PCDHGA3: variants seen among roughly 807,000 people sequenced by gnomAD.
PCDHGA3 encodes protocadherin gamma subfamily A, 3, also known as protocadherin gamma-A3.
In PCDHGA3, 40 loss-of-function variants were observed where a neutral mutation model predicts 58.5. The observed-to-expected ratio is 0.68, with a 90% CI of 0.53 to 0.89. The LOEUF (loss-of-function observed/expected upper bound fraction) is 0.89, where lower values mean the gene tolerates loss of function less well. Among genes scored for constraint, PCDHGA3 ranks in the 40% least tolerant of loss-of-function variants. The probability of loss-of-function intolerance (pLI) is 0.00; values close to 1 mark genes in which losing one functional copy is unlikely to be tolerated. For synonymous variants in PCDHGA3, 530 were observed against 525.7 expected (o/e 1.01, Z -0.11); for missense variants, 1,223 against 1,195.9 (o/e 1.02, Z -0.33).
intron 1 of PCDHGA3, chr5:141,384,446 C>T (rs781605513): frequency 5.6e-6 from 9 of 1,614,034 alleles, no homozygotes; most frequent in South Asian, 4.4e-5. Context: ...GTCCTGTACG[C>T]GCTGCAATCC....
intron 1 of PCDHGA3, chr5:141,402,899 G>A: frequency 6.6e-7 from 1 of 1,516,814 alleles, no homozygotes; most frequent in Non-Finnish European, 8.8e-7. Context: ...GAAAGAACCT[G>A]ATGAAGCAGC....
At chr5:141,495,149 G>A (rs1448841303) in intron 2 of PCDHGA3, among the ~76,000 whole-genome samples, 1 of 152,170 alleles carries the variant, frequency 6.6e-6, no homozygotes, top group Non-Finnish European at 1.5e-5. Context: ...CCAAAGGATG[G>A]TCTTAAGCTG....
intron 1 of PCDHGA3, chr5:141,399,055 GA>G: frequency 7.4e-6 from 12 of 1,613,844 alleles, no homozygotes; most frequent in Non-Finnish European, 1.0e-5. Context: ...AGAGACCAAG[GA>G]ATATTCAATG....
At chr5:141,371,960 C>T (rs771450244) in intron 1 of PCDHGA3, 16 of 1,613,142 alleles carry the variant, frequency 9.9e-6, no homozygotes, top group Admixed American at 1.7e-5. Flanking sequence ...CCTTCGACCA[C>T]GAGCAGCTGC....
intron 1 of PCDHGA3, chr5:141,423,051 C>T (rs200022455): frequency 1.7e-5 from 28 of 1,614,084 alleles, no homozygotes; most frequent in Non-Finnish European, 2.3e-5. Context: ...TGTCCTATCG[C>T]CTGCTTAAGG....
In PCDHGA3 at chr5:141,346,462, GTTTA is replaced by G. The variant is rs940161921; in HGVS notation, c.2424+13_2424+16del. On this transcript the variant is annotated splice_donor_region_variant and intron_variant, in intron 1 of 3. Coordinates refer to ENST00000253812, the MANE Select transcript of PCDHGA3 (RefSeq NM_018916.4). ...GGAGATTCCAACCTACTTCAGGTGA[GTTTA>G]TTTATTTCTTTGATTATTAAGAACA... 1.5e-5 allele frequency: 25 copies of G among 1,613,834 alleles called. No homozygotes were observed. The highest frequency in any genetic ancestry group is 1.2e-4 in the African/African-American group (9 of 74,896).
At position 141,355,369 on chromosome 5, in the gene PCDHGA3, C is replaced by T. The variant is rs1339855222; in HGVS notation, c.2424+8912C>T. The T allele has an allele frequency of 3.1e-6, 5 of 1,613,922 alleles. No homozygotes were observed. The African/African-American group carries it at 5.3e-5, about 17-fold the overall frequency. On this transcript the variant is annotated intron_variant, in intron 1 of 3. Coordinates refer to ENST00000253812, the MANE Select transcript of PCDHGA3 (RefSeq NM_018916.4). The stretch of plus-strand genomic sequence containing the variant: ...CGCCAAGGACCTGGGGTTGGCGCCC[C>T]GGGAGCTGGCGGAGCGCGGAGTCCG...
At chr5:141,399,942 G>T (rs780939486) in intron 1 of PCDHGA3, 2 of 1,612,258 alleles carry the variant, frequency 1.2e-6, no homozygotes, top group Admixed American at 3.3e-5. Flanking sequence ...ACCACGTGCT[G>T]CAGGCTAGCG....
intron 1 of PCDHGA3, among the ~76,000 whole-genome samples, chr5:141,464,094 G>A (rs540562188): frequency 7.4e-4 from 112 of 151,988 alleles, no homozygotes; most frequent in Non-Finnish European, 1.1e-3. Context: ...GTGAAACTCC[G>A]TCTCTACTAA....
At chr5:141,422,100 A>G (rs1019775470) in intron 1 of PCDHGA3, 2 of 1,609,786 alleles carry the variant, frequency 1.2e-6, no homozygotes, top group Non-Finnish European at 1.7e-6. Context: ...AGGCTTCTGA[A>G]ATATTCCAAT....
intron 1 of PCDHGA3, chr5:141,360,894 G>A (rs1262954387): frequency 6.2e-7 from 1 of 1,613,912 alleles, no homozygotes; most frequent in Non-Finnish European, 8.5e-7. Context: ...CCCTGAGGGA[G>A]GACGTGCCGC....
chr5:141,347,046 TCTTTCCTCCTTCCTTCCTTCCTTCCTC>T (rs1561493119), intron 1 of PCDHGA3, among the ~76,000 whole-genome samples: 17 of 150,478 alleles, frequency 1.1e-4, no homozygotes, highest in Admixed American at 1.1e-3. Context: ...TTCCTCTCTC[TCTTTCCTCCTTCCTTCCTTCCTTCCTC>T]TCTCTCTTTC....
chr5:141,361,088 G>A (rs1413584575), intron 1 of PCDHGA3: 2 of 1,613,904 alleles, frequency 1.2e-6, no homozygotes, highest in African/African-American at 1.3e-5. Context: ...TACACTCTGA[G>A]TATCGAAGCA....
At chr5:141,371,690 C>G (rs778571401) in intron 1 of PCDHGA3, 1 of 1,614,078 alleles carries the variant, frequency 6.2e-7, no homozygotes, top group South Asian at 1.1e-5. Flanking sequence ...ATCCACCGCT[C>G]TCCTCCAGCA....
At chr5:141,481,077 G>A (rs1251064585) in intron 1 of PCDHGA3, among the ~76,000 whole-genome samples, 5 of 151,906 alleles carry the variant, frequency 3.3e-5, no homozygotes, top group Non-Finnish European at 7.4e-5. Context: ...AAGAAAGAAA[G>A]AAAAAAGAAA....
chr5:141,393,041 T>G, intron 1 of PCDHGA3: 2 of 1,613,702 alleles, frequency 1.2e-6, no homozygotes, highest in Non-Finnish European at 1.7e-6. Flanking sequence ...AGCTCTTTGC[T>G]CTGAACCCGC....
At chr5:141,467,117 A>G (rs62379198) in intron 1 of PCDHGA3, among the ~76,000 whole-genome samples, 35,587 of 150,646 alleles carry the variant, frequency 0.24, 4,364 homozygotes, top group Admixed American at 0.32. Flanking sequence ...CAATGGTGCA[A>G]TCTCAGCTCA....
intron 1 of PCDHGA3, among the ~76,000 whole-genome samples, chr5:141,437,421 T>G (rs971034611): frequency 1.2e-4 from 19 of 152,238 alleles, no homozygotes; most frequent in African/African-American, 4.6e-4. Flanking sequence ...TTATGCTTTT[T>G]GAAGCAGCAA....
chr5:141,394,836 T>C (rs116789057), intron 1 of PCDHGA3: 14 of 1,613,630 alleles, frequency 8.7e-6, no homozygotes, highest in South Asian at 1.1e-5. Flanking sequence ...CCTGACCGAG[T>C]TGGGCAGTCT....
Sources: gnomAD v4.1 joint callset for allele counts (sites outside exome capture counted in the v4.1 genomes callset) on GRCh38, gnomAD v4.1.1 for gene constraint, MANE v1.5 for transcripts, NCBI Gene and HGNC (gene_info 2026-07-23, HGNC 2026-07-21) for gene names.